GNS: variants seen among roughly 807,000 people sequenced by gnomAD.
GNS encodes N-acetylglucosamine-6-sulfatase.
A neutral mutation model predicts 69.7 loss-of-function variants in GNS; 40 were observed. The ratio of observed to expected loss-of-function variants is 0.57; its 90% CI spans 0.45 to 0.75. The LOEUF is 0.75. Among genes scored for constraint, GNS ranks in the 30% least tolerant of loss-of-function variants. The pLI is 0.00. For missense variants in GNS, 565 were observed against 685.5 expected (o/e 0.82, Z 1.96); for synonymous variants, 243 against 251.6 (o/e 0.97, Z 0.32).
intron 10 of GNS, among the ~76,000 whole-genome samples, chr12:64,723,561 A>C (rs73323449): frequency 7.9e-5 from 12 of 152,222 alleles, no homozygotes; most frequent in Non-Finnish European, 1.2e-4. Context: ...TGTGCTAAAG[A>C]CTGTAACAGG....
chr12:64,752,568 T>C, intron 2 of GNS, 130 bp downstream of exon 2: 2 of 651,400 alleles, frequency 3.1e-6, no homozygotes, highest in South Asian at 3.4e-5. Context: ...ATTAAATAAA[T>C]CCTTCCTTCA....
intron 9 of GNS, among the ~76,000 whole-genome samples, chr12:64,730,785 A>G (rs1869366757): frequency 6.6e-6 from 1 of 152,188 alleles, no homozygotes. Flanking sequence ...TCACAGCAGG[A>G]AAGGAGGGTC....
At chr12:64,727,824 G>A (rs1378144624) in intron 10 of GNS, among the ~76,000 whole-genome samples, 1 of 152,088 alleles carries the variant, frequency 6.6e-6, no homozygotes, top group Non-Finnish European at 1.5e-5. Context: ...TGACTAATGT[G>A]CCTGGGAGTT....
chr12:64,745,052 G>T (rs1592504934), intron 4 of GNS, 145 bp from the exon 5 acceptor site: 1 of 645,740 alleles, frequency 1.5e-6, no homozygotes, highest in East Asian at 2.8e-5. Context: ...TGGATTTTTT[G>T]ACTAGGGTTT....
intron 9 of GNS, among the ~76,000 whole-genome samples, chr12:64,736,420 G>A (rs1565884387): frequency 6.6e-6 from 1 of 152,190 alleles, no homozygotes; most frequent in African/African-American, 2.4e-5. Flanking sequence ...CTCAAAGCAA[G>A]GTCAGGCCAG....
intron 1 of GNS, among the ~76,000 whole-genome samples, chr12:64,757,177 T>C (rs551296087): frequency 3.2e-4 from 48 of 152,218 alleles, no homozygotes; most frequent in African/African-American, 1.1e-3. Context: ...AGACCCTGAC[T>C]CAAAAAATCT....
At chr12:64,752,031 A>G (rs1870096101) in intron 2 of GNS, among the ~76,000 whole-genome samples, 2 of 152,062 alleles carry the variant, frequency 1.3e-5, no homozygotes, top group Admixed American at 1.3e-4. Flanking sequence ...CTATTAACTC[A>G]ACCTCACAAC....
At chr12:64,728,079 A>C (rs917446983) in intron 10 of GNS, among the ~76,000 whole-genome samples, 1 of 152,128 alleles carries the variant, frequency 6.6e-6, no homozygotes, top group Non-Finnish European at 1.5e-5. Flanking sequence ...GCCCGCCACC[A>C]TGCCCAGCTT....
At chr12:64,753,219 C>CA (rs1870138076) in intron 1 of GNS, among the ~76,000 whole-genome samples, 1 of 152,122 alleles carries the variant, frequency 6.6e-6, no homozygotes, top group South Asian at 2.1e-4. Flanking sequence ...TGGTGGAGGC[C>CA]AGACACACAC....
chr12:64,755,418 A>G (rs976190983), intron 1 of GNS, among the ~76,000 whole-genome samples: 4 of 151,648 alleles, frequency 2.6e-5, no homozygotes, highest in Non-Finnish European at 5.9e-5. Flanking sequence ...TCTCTACTAG[A>G]AATACAAAAA....
At chr12:64,723,988 A>T (rs1338872483) in intron 10 of GNS, among the ~76,000 whole-genome samples, 1 of 152,208 alleles carries the variant, frequency 6.6e-6, no homozygotes, top group Non-Finnish European at 1.5e-5. Context: ...AAGTCAGCTT[A>T]GTGGCAGAAT....
rs1870015193 is a variant in GNS at position 64,749,665 on chromosome 12, GT to G, written c.253-1748del. ...TTGCTCATTTTTTTCCCCCAGGGCTGTCGGCCTCTTGTTACATAAGATTTAA... is the reference window on the plus strand; with the variant it reads ...TTGCTCATTTTTTTCCCCCAGGGCTGCGGCCTCTTGTTACATAAGATTTAA... On this transcript the variant is annotated intron_variant, in intron 2 of 13. Coordinates refer to ENST00000258145, the MANE Select transcript of GNS (RefSeq NM_002076.4). Among the ~76,000 whole-genome samples, 4 of 152,264 alleles carry G rather than the reference GT, an allele frequency of 2.6e-5. No individual in the cohort carries two copies. In the South Asian group the frequency reaches 8.3e-4, roughly 32 times the overall value.
chr12:64,752,549 A>G (rs560787807), intron 2 of GNS, 149 bp downstream of exon 2: 104 of 626,140 alleles, frequency 1.7e-4, no homozygotes, highest in Non-Finnish European at 2.6e-4. Flanking sequence ...TATTTCAATT[A>G]AAATTCACAT....
chr12:64,748,342 A>G (rs1238070279), intron 2 of GNS, among the ~76,000 whole-genome samples: 2 of 151,060 alleles, frequency 1.3e-5, no homozygotes, highest in Non-Finnish European at 2.9e-5. Context: ...CTTGGAGTAC[A>G]GGTGTGTGCC....
rs1360246501 is a variant in GNS, at chr12:64,723,045, G to A, written c.1269C>T (p.Val423=). The A allele has an allele frequency of 1.2e-6, 2 of 1,612,306 alleles. No homozygotes were observed. The highest frequency in any genetic ancestry group is 1.7e-5 in the Admixed American group (1 of 60,024). The stretch of plus-strand genomic sequence containing the variant: ...TCAGGGAAGGGCATGTTGGGTCAGT[G>A]ACGTTACGGCCTTCTCCTTGGTATT... ...LVEYQGEGRN[V]TDPTCPSLSP... The change falls in exon 11 of 14, where the codon GTC becomes GTT. Residue 423 remains valine (V), a synonymous_variant. Transcript: ENST00000258145.
At chr12:64,717,511 C>G (rs531980101) in intron 13 of GNS, among the ~76,000 whole-genome samples, 159 of 136,342 alleles carry the variant, frequency 1.2e-3, no homozygotes, top group African/African-American at 3.9e-3. Context: ...GCCACCACAC[C>G]TGGCTAATTT....
rs954581996 is a variant in GNS, at chr12:64,740,530, G to C, written c.875+76C>G. ...TTTTTGTTTCAGAGACAACAATGTG[G>C]TGTGGTCTCCTCTTCATGAGCTGAT... On this transcript the variant is annotated intron_variant, in intron 7 of 13. Transcript: ENST00000258145. The C allele has an allele frequency of 3.3e-5, 27 of 819,982 alleles. No homozygotes were observed. In the African/African-American group the frequency reaches 4.3e-4, roughly 13 times the overall value. The allele number at this position is 819,982 out of a possible 1,614,324, so 50.8% of individuals were successfully genotyped here.
At chr12:64,726,055 T>C (rs1180027172) in intron 10 of GNS, among the ~76,000 whole-genome samples, 1 of 146,678 alleles carries the variant, frequency 6.8e-6, no homozygotes, top group Non-Finnish European at 1.5e-5. Flanking sequence ...AGTATAAGAC[T>C]TGTATGAAAA....
rs1221490287 is a variant in GNS, at chr12:64,716,828, GA to G, written c.1581-10del. 6.3e-7 allele frequency: 1 copy of G among 1,582,024 alleles called. No homozygotes were observed. Among genetic ancestry groups the G allele is most frequent in the Admixed American group, 1.7e-5 (1 of 59,960 alleles). ...GGGGGTCAAACCTGTATCTGGGGAG[GA>G]AAAACCAAATGTAACATTAGCTCTC... On this transcript the variant is annotated splice_polypyrimidine_tract_variant and intron_variant, in intron 13 of 13. Transcript: ENST00000258145.
Sources: gnomAD v4.1 joint callset for allele counts (sites outside exome capture counted in the v4.1 genomes callset) on GRCh38, gnomAD v4.1.1 for gene constraint, MANE v1.5 for transcripts, NCBI Gene and HGNC (gene_info 2026-07-23, HGNC 2026-07-21) for gene names.